The following PCDH15 variants were observed in gnomAD, a reference collection of about 807,000 sequenced individuals.
PCDH15 encodes protocadherin related 15.
Under a neutral mutation model 178.5 loss-of-function variants are expected in PCDH15, and 129 were observed. That is an observed-to-expected ratio of 0.72 (90% confidence interval 0.63 to 0.84). PCDH15 has a LOEUF of 0.84. PCDH15 is among the 40% of genes least tolerant of loss of function. PCDH15 has a pLI of 0.00. For missense variants in PCDH15, 2,230 were observed against 2,099.9 expected, an observed-to-expected ratio of 1.06 and a Z score of -1.21; for synonymous variants, 800 against 732.0, an observed-to-expected ratio of 1.09 and a Z score of -1.50.
chr10:54,274,387 C>A (rs375593331), intron 8 of PCDH15, among the ~76,000 whole-genome samples: 1 of 151,930 alleles, frequency 6.6e-6, no homozygotes, highest in Non-Finnish European at 1.5e-5. Context: ...TTTTACAAAG[C>A]GCTTTTCATC....
At chr10:54,208,133 CAATT>C (rs2051019279) in intron 10 of PCDH15, among the ~76,000 whole-genome samples, 1 of 151,852 alleles carries the variant, frequency 6.6e-6, no homozygotes, top group African/African-American at 2.4e-5. Context: ...TATCAAAGGT[CAATT>C]GATTTCAGAA....
intron 2 of PCDH15, among the ~76,000 whole-genome samples, chr10:55,129,513 G>A (rs2384613): frequency 6.6e-6 from 1 of 152,138 alleles, no homozygotes; most frequent in East Asian, 1.9e-4. Flanking sequence ...ACAAAGCTTC[G>A]AAATCTACAT....
intron 3 of PCDH15, among the ~76,000 whole-genome samples, chr10:54,451,108 C>A (rs1174049804): frequency 6.6e-6 from 1 of 151,776 alleles, no homozygotes; most frequent in East Asian, 1.9e-4. Context: ...AAATTTGTTT[C>A]TCTCTTTGTT....
chr10:54,085,513 T>G (rs2094501502), intron 16 of PCDH15, among the ~76,000 whole-genome samples: 1 of 152,172 alleles, frequency 6.6e-6, no homozygotes, highest in Non-Finnish European at 1.5e-5. Flanking sequence ...TGTACTTATT[T>G]GTGGATGATT....
intron 15 of PCDH15, among the ~76,000 whole-genome samples, chr10:54,097,180 A>C (rs1223024282): frequency 1.3e-5 from 2 of 152,142 alleles, no homozygotes; most frequent in Non-Finnish European, 2.9e-5. Flanking sequence ...TCCTTTGTTA[A>C]ATTTGGTTGA....
chr10:53,970,999 A>C (rs1236008804), intron 21 of PCDH15, among the ~76,000 whole-genome samples: 1 of 152,108 alleles, frequency 6.6e-6, no homozygotes, highest in Non-Finnish European at 1.5e-5. Flanking sequence ...AGAGAATTTA[A>C]ACCAATATCC....
At position 54,119,698 on chromosome 10, in the gene PCDH15, G is replaced by A. The variant is rs148483900; in HGVS notation, c.1917+13177C>T. Among the ~76,000 whole-genome samples, 1,072 of 152,226 alleles carry A rather than the reference G, an allele frequency of 7.0e-3. 9 individuals are homozygous for A. The highest frequency in any genetic ancestry group is 0.024 in the African/African-American group (993 of 41,542). On this transcript the variant is annotated intron_variant, in intron 15 of 37. Transcript: ENST00000644397. ...ACTTCACTAGGGCATACAGCCACGT[G>A]ACTGTCCAACATCAATACTTAAGAA...
intron 9 of PCDH15, among the ~76,000 whole-genome samples, chr10:54,219,353 G>A (rs926099913): frequency 1.3e-5 from 2 of 150,296 alleles, no homozygotes; most frequent in African/African-American, 4.9e-5. Flanking sequence ...CACTCTGGGA[G>A]GCCGAGACGG....
intron 6 of PCDH15, among the ~76,000 whole-genome samples, chr10:54,346,014 T>C (rs1013623342): frequency 2.6e-5 from 4 of 152,060 alleles, no homozygotes; most frequent in Admixed American, 1.3e-4. Flanking sequence ...AGCAACAATA[T>C]TGGTATTAAT....
intron 3 of PCDH15, among the ~76,000 whole-genome samples, chr10:54,492,289 G>C (rs534759063): frequency 3.3e-5 from 5 of 152,276 alleles, no homozygotes; most frequent in Non-Finnish European, 5.9e-5. Flanking sequence ...GATGTGCTGA[G>C]ACATTCAAGA....
intron 2 of PCDH15, among the ~76,000 whole-genome samples, chr10:54,911,696 G>C (rs1448458924): frequency 6.6e-6 from 1 of 152,048 alleles, no homozygotes; most frequent in Non-Finnish European, 1.5e-5. Flanking sequence ...TCTTGGGGTC[G>C]GTTTCTTCCA....
chr10:53,999,288 A>G (rs1380379386), intron 20 of PCDH15, among the ~76,000 whole-genome samples: 1 of 151,936 alleles, frequency 6.6e-6, no homozygotes, highest in East Asian at 1.9e-4. Context: ...TGTATGGTTG[A>G]TTGTTTGCCT....
chr10:55,234,761 A>T (rs1841328326), intron 1 of PCDH15, among the ~76,000 whole-genome samples: 1 of 152,092 alleles, frequency 6.6e-6, no homozygotes, highest in East Asian at 1.9e-4. Context: ...GCCTAATAGA[A>T]TCACACTTTT....
At position 54,269,582 on chromosome 10, in the gene PCDH15, G is replaced by A. The variant is rs1473497939; in HGVS notation, c.877-32651C>T. Among the ~76,000 whole-genome samples, 5 of 152,014 alleles carry A rather than the reference G, an allele frequency of 3.3e-5. No homozygotes were observed. The East Asian group carries it at 5.8e-4, about 18-fold the overall frequency. On this transcript the variant is annotated intron_variant, in intron 8 of 37. Coordinates refer to ENST00000644397, the MANE Select transcript of PCDH15 (RefSeq NM_001384140.1). ...ATTATGAAATATGATTCTTCACTTG[G>A]TATGCAGGTATACTCTCAGGTGTTA...
intron 18 of PCDH15, among the ~76,000 whole-genome samples, chr10:54,031,284 G>A (rs1289668007): frequency 6.6e-6 from 1 of 151,410 alleles, no homozygotes; most frequent in African/African-American, 2.4e-5. Context: ...CAACTTAAAC[G>A]TTCAAAACCT....
intron 1 of PCDH15, among the ~76,000 whole-genome samples, chr10:55,190,172 G>C (rs1381528061): frequency 1.3e-5 from 2 of 151,452 alleles, no homozygotes; most frequent in African/African-American, 2.4e-5. Context: ...GATTTTATTT[G>C]TATGAAATTC....
intron 7 of PCDH15, among the ~76,000 whole-genome samples, chr10:54,325,107 C>T (rs1321942638): frequency 4.6e-5 from 7 of 151,860 alleles, no homozygotes; most frequent in Non-Finnish European, 1.0e-4. Context: ...GACAATATTG[C>T]AAATATTCTC....
At chr10:55,113,829 G>T (rs1213956102) in intron 2 of PCDH15, among the ~76,000 whole-genome samples, 1 of 152,196 alleles carries the variant, frequency 6.6e-6, no homozygotes, top group East Asian at 1.9e-4. Flanking sequence ...CCATCAGAGA[G>T]AGGTATGTAG....
chr10:55,594,699 T>G (rs2132135611), intron 2 of PCDH15, among the ~76,000 whole-genome samples: 1 of 152,146 alleles, frequency 6.6e-6, no homozygotes. Context: ...AACAGGATTT[T>G]TACTATGGAT....
Sources: gnomAD v4.1 joint callset for allele counts (sites outside exome capture counted in the v4.1 genomes callset) on GRCh38, gnomAD v4.1.1 for gene constraint, MANE v1.5 for transcripts, NCBI Gene and HGNC (gene_info 2026-07-23, HGNC 2026-07-21) for gene names.